PPP1R12B: variants seen among roughly 807,000 people sequenced by gnomAD.
PPP1R12B encodes myosin phosphatase target subunit 2.
In PPP1R12B, 76 loss-of-function variants were observed where a neutral mutation model predicts 126.1. The ratio of observed to expected loss-of-function variants is 0.60; its 90% CI spans 0.50 to 0.73. PPP1R12B has a LOEUF of 0.73. PPP1R12B is among the 30% of genes least tolerant of loss of function. The pLI is 0.00. For synonymous variants in PPP1R12B, 356 were observed against 434.7 expected, an observed-to-expected ratio of 0.82 and a Z score of 2.25; for missense variants, 1,052 against 1,205.1, an observed-to-expected ratio of 0.87 and a Z score of 1.88.
chr1:202,361,846 T>A (rs1658272582), intron 1 of PPP1R12B, among the ~76,000 whole-genome samples: 1 of 152,066 alleles, frequency 6.6e-6, no homozygotes, highest in African/African-American at 2.4e-5. Context: ...CTACATCAGT[T>A]TTGGGCAGTC....
rs1362170481 is a variant in PPP1R12B, at chr1:202,404,963, A to T, written c.292-11824A>T. On this transcript the variant is annotated intron_variant, in intron 1 of 23. Transcript: ENST00000608999. ...TGTCTCTTTCCACCACTAAATGATA[A>T]AGTCTTAATCATTTTTTATTACTAC... Among the ~76,000 whole-genome samples, 4 of 152,302 alleles carry T rather than the reference A, an allele frequency of 2.6e-5. No homozygotes were observed. The East Asian group carries it at 5.8e-4, about 22-fold the overall frequency.
At chr1:202,540,192 A>C in intron 18 of PPP1R12B, 1 of 1,611,144 alleles carries the variant, frequency 6.2e-7, no homozygotes, top group Non-Finnish European at 8.5e-7. Context: ...AGGAAATCTC[A>C]GTCTGATTCT....
intron 18 of PPP1R12B, among the ~76,000 whole-genome samples, chr1:202,549,254 C>T (rs559393476): frequency 6.6e-6 from 1 of 152,202 alleles, no homozygotes; most frequent in South Asian, 2.1e-4. Context: ...TTTTCATGAC[C>T]ACCCAGTTTC....
rs569353335 is a variant in PPP1R12B at position 202,413,804 on chromosome 1, G to A, written c.292-2983G>A. Among the ~76,000 whole-genome samples, 123 of 152,166 alleles carry A rather than the reference G, an allele frequency of 8.1e-4. 2 individuals carry two copies. In the South Asian group the frequency reaches 0.024, roughly 30 times the overall value. ...GCTGTGATATATTATTTTGATGAAA[G>A]TATATAAAATCTGGCCTCTCAAAGG... On this transcript the variant is annotated intron_variant, in intron 1 of 23. Coordinates refer to ENST00000608999, the MANE Select transcript of PPP1R12B (RefSeq NM_002481.4).
intron 13 of PPP1R12B, among the ~76,000 whole-genome samples, chr1:202,486,934 G>T (rs1176728748): frequency 1.3e-5 from 2 of 152,168 alleles, no homozygotes; most frequent in Non-Finnish European, 2.9e-5. Flanking sequence ...GACATGTAGA[G>T]AACACTCGCA....
At chr1:202,403,366 T>A (rs1299632890) in intron 1 of PPP1R12B, among the ~76,000 whole-genome samples, 1 of 152,264 alleles carries the variant, frequency 6.6e-6, no homozygotes, top group Admixed American at 6.5e-5. Flanking sequence ...ATTTACCAAC[T>A]CATTTTCTAT....
intron 1 of PPP1R12B, among the ~76,000 whole-genome samples, chr1:202,373,486 T>C (rs1251485188): frequency 2.6e-5 from 4 of 152,264 alleles, no homozygotes; most frequent in Middle Eastern, 3.4e-3. Context: ...TTTGAGTTAA[T>C]TTTTATATAT....
chr1:202,403,110 G>A (rs1290389320), intron 1 of PPP1R12B, among the ~76,000 whole-genome samples: 1 of 152,108 alleles, frequency 6.6e-6, no homozygotes, highest in East Asian at 1.9e-4. Context: ...GGATGGGCAG[G>A]TAATACAAAT....
chr1:202,447,131 A>G (rs1164002955), intron 12 of PPP1R12B, among the ~76,000 whole-genome samples: 3 of 152,342 alleles, frequency 2.0e-5, no homozygotes, highest in East Asian at 3.9e-4. Flanking sequence ...CCTCAATGAT[A>G]TAGGGATTCA....
chr1:202,396,052 C>A (rs564076086), intron 1 of PPP1R12B, among the ~76,000 whole-genome samples: 12 of 152,296 alleles, frequency 7.9e-5, no homozygotes, highest in African/African-American at 2.9e-4. Flanking sequence ...CATTCTACTT[C>A]CTCCCTTTTT....
chr1:202,404,958 T>C (rs1218152604), intron 1 of PPP1R12B, among the ~76,000 whole-genome samples: 2 of 152,242 alleles, frequency 1.3e-5, no homozygotes, highest in Non-Finnish European at 2.9e-5. Context: ...CACCACTAAA[T>C]GATAAAGTCT....
intron 2 of PPP1R12B, among the ~76,000 whole-genome samples, chr1:202,418,976 C>G (rs1201174484): frequency 6.6e-6 from 1 of 152,068 alleles, no homozygotes; most frequent in African/African-American, 2.4e-5. Context: ...ACTAGGAACT[C>G]TAAATTTCAA....
At chr1:202,377,002 T>A (rs1301065849) in intron 1 of PPP1R12B, among the ~76,000 whole-genome samples, 1 of 152,198 alleles carries the variant, frequency 6.6e-6, no homozygotes, top group Admixed American at 6.5e-5. Context: ...TCATCAGCCA[T>A]CATTAGTATT....
chr1:202,468,509 A>G (rs1238852787), intron 13 of PPP1R12B, among the ~76,000 whole-genome samples: 1 of 152,210 alleles, frequency 6.6e-6, no homozygotes, highest in Non-Finnish European at 1.5e-5. Flanking sequence ...ATCCCCTTGC[A>G]ACATTTTATT....
At chr1:202,404,607 C>T (rs905262728) in intron 1 of PPP1R12B, among the ~76,000 whole-genome samples, 7 of 152,108 alleles carry the variant, frequency 4.6e-5, no homozygotes, top group African/African-American at 1.7e-4. Context: ...TCAAGCGGTT[C>T]TCCTGCCTCA....
intron 1 of PPP1R12B, among the ~76,000 whole-genome samples, chr1:202,374,919 ATTC>A (rs1660918913): frequency 2.6e-5 from 4 of 151,828 alleles, no homozygotes; most frequent in South Asian, 4.2e-4. Flanking sequence ...CCATGCTTCT[ATTC>A]TTCTTTCTCC....
intron 13 of PPP1R12B, among the ~76,000 whole-genome samples, chr1:202,455,205 TAGAGAGAG>T (rs138316173): frequency 2.6e-5 from 4 of 151,026 alleles, no homozygotes; most frequent in African/African-American, 9.7e-5. Flanking sequence ...TATATATATA[TAGAGAGAG>T]AGAGAGAGAA....
intron 13 of PPP1R12B, among the ~76,000 whole-genome samples, chr1:202,454,481 C>A (rs755520264): frequency 6.6e-6 from 1 of 152,190 alleles, no homozygotes; most frequent in Admixed American, 6.5e-5. Context: ...CTATGAGAAG[C>A]CCAGGTGATA....
chr1:202,576,701 G>A (rs1323344148), intron 23 of PPP1R12B: 1 of 151,928 alleles, frequency 6.6e-6, no homozygotes, highest in African/African-American at 2.4e-5. Flanking sequence ...TAGGATATGG[G>A]GCAAAACTAG....
Sources: allele counts gnomAD v4.1 joint callset (sites outside exome capture counted in the v4.1 genomes callset), GRCh38; gene constraint gnomAD v4.1.1; transcripts MANE v1.5; gene names NCBI Gene and HGNC (gene_info 2026-07-23, HGNC 2026-07-21).